The following TRHDE variants were observed in gnomAD, a reference collection of about 807,000 sequenced individuals.
The protein encoded by TRHDE is thyrotropin releasing hormone degrading enzyme, also known as thyrotropin-releasing hormone-degrading ectoenzyme.
Under a neutral mutation model 125.7 loss-of-function variants are expected in TRHDE, and 72 were observed. The observed-to-expected ratio is 0.57, with a 90% CI of 0.47 to 0.70. The LOEUF is 0.70. TRHDE is among the 30% of genes least tolerant of loss of function. The pLI, the probability that TRHDE is intolerant of heterozygous loss-of-function variation, is 0.00. For missense variants in TRHDE, 1,110 were observed against 1,327.1 expected (o/e 0.84, Z 2.54); for synonymous variants, 509 against 509.1 (o/e 1.00, Z 0.00).
intron 3 of TRHDE, among the ~76,000 whole-genome samples, chr12:72,423,865 C>A (rs530578660): frequency 3.9e-5 from 6 of 152,076 alleles, no homozygotes; most frequent in South Asian, 4.2e-4. Context: ...AGAGTGATGT[C>A]ATGTGAGAGG....
rs570475070 is a variant in TRHDE at position 72,405,262 on chromosome 12, T to C, written c.1315+27141T>C. ...AGGGAACAGATTATGTAAGACTTCA[T>C]AGAGGAGATAATGTTTAATTTTTTA... On this transcript the variant is annotated intron_variant, in intron 3 of 18. Coordinates refer to ENST00000261180, the MANE Select transcript of TRHDE (RefSeq NM_013381.3). Among the ~76,000 whole-genome samples the C allele has an allele frequency of 9.2e-5, 14 of 152,336 alleles. No individual in the cohort carries two copies. In the Middle Eastern group the frequency reaches 0.01, roughly 111 times the overall value.
At chr12:72,113,221 G>T (rs1875362408) in intron 2 of TRHDE, among the ~76,000 whole-genome samples, 2 of 151,816 alleles carry the variant, frequency 1.3e-5, no homozygotes, top group South Asian at 4.2e-4. Context: ...GTTTTGCCAT[G>T]TTGCCCAGGC....
At chr12:72,287,141 T>C (rs1015871552) in intron 2 of TRHDE, among the ~76,000 whole-genome samples, 187 bp downstream of exon 2, 3 of 152,016 alleles carry the variant, frequency 2.0e-5, no homozygotes, top group Admixed American at 1.3e-4. Flanking sequence ...AAACCTGTCT[T>C]CTATACCCAG....
intron 7 of TRHDE, among the ~76,000 whole-genome samples, chr12:72,553,444 TTAA>T (rs1869769500): frequency 6.6e-6 from 1 of 152,134 alleles, no homozygotes; most frequent in Non-Finnish European, 1.5e-5. Flanking sequence ...TAACCCACCA[TTAA>T]TAATAATAAC....
At chr12:72,361,488 C>T (rs1181553217) in intron 2 of TRHDE, among the ~76,000 whole-genome samples, 1 of 151,688 alleles carries the variant, frequency 6.6e-6, no homozygotes, top group African/African-American at 2.4e-5. Flanking sequence ...AAATCTGTTT[C>T]AGATATAAGA....
chr12:72,269,221 A>T (rs1879137699), upstream of TRHDE, among the ~76,000 whole-genome samples: 1 of 152,092 alleles, frequency 6.6e-6, no homozygotes, highest in Non-Finnish European at 1.5e-5. Context: ...CGTGCTATAT[A>T]TTTTCAGAAA....
intron 2 of TRHDE, among the ~76,000 whole-genome samples, chr12:72,180,326 A>G (rs1050264450): frequency 5.3e-5 from 8 of 152,162 alleles, no homozygotes; most frequent in African/African-American, 1.7e-4. Context: ...ACATCTTAAT[A>G]TTATAATAAG....
At chr12:72,241,228 TCAC>T (rs988733633) in intron 2 of TRHDE, among the ~76,000 whole-genome samples, 8 of 152,182 alleles carry the variant, frequency 5.3e-5, no homozygotes, top group Non-Finnish European at 1.2e-4. Flanking sequence ...TAGACTGATG[TCAC>T]CACCACTACA....
chr12:72,515,782 G>A, intron 6 of TRHDE, among the ~76,000 whole-genome samples: 1 of 151,932 alleles, frequency 6.6e-6, no homozygotes, highest in East Asian at 1.9e-4. Context: ...TAGGTCTAAT[G>A]TTTAAGTGTT....
At chr12:72,535,697 A>C (rs1478602476) in intron 6 of TRHDE, among the ~76,000 whole-genome samples, 4 of 151,914 alleles carry the variant, frequency 2.6e-5, no homozygotes, top group Non-Finnish European at 5.9e-5. Context: ...GAAAAAAAAA[A>C]CAGCGAAGAA....
chr12:72,493,752 C>G (rs1464948322), intron 5 of TRHDE, among the ~76,000 whole-genome samples: 1 of 152,132 alleles, frequency 6.6e-6, no homozygotes, highest in African/African-American at 2.4e-5. Flanking sequence ...AAACGAACCA[C>G]ACTATCTCAA....
At chr12:72,307,897 C>T (rs1868373677) in intron 2 of TRHDE, among the ~76,000 whole-genome samples, 1 of 152,124 alleles carries the variant, frequency 6.6e-6, no homozygotes. Context: ...TCGCAGCTAA[C>T]ACATTTTATG....
At chr12:72,409,108 C>T (rs1483022321) in intron 3 of TRHDE, among the ~76,000 whole-genome samples, 3 of 152,064 alleles carry the variant, frequency 2.0e-5, no homozygotes, top group Non-Finnish European at 4.4e-5. Flanking sequence ...AGCATCAGTG[C>T]ACCACATACA....
At chr12:72,203,298 A>G (rs1471767482) in intron 2 of TRHDE, among the ~76,000 whole-genome samples, 1 of 152,014 alleles carries the variant, frequency 6.6e-6, no homozygotes, top group East Asian at 1.9e-4. Context: ...CGTCTCTACT[A>G]AAAAATCAAA....
At chr12:72,198,661 C>A (rs1010528690) in intron 2 of TRHDE, among the ~76,000 whole-genome samples, 7 of 152,112 alleles carry the variant, frequency 4.6e-5, no homozygotes. Context: ...TGGCTTTGGG[C>A]AAATTCTTAA....
chr12:72,515,273 A>G (rs1365906871), intron 6 of TRHDE, among the ~76,000 whole-genome samples: 1 of 138,214 alleles, frequency 7.2e-6, no homozygotes, highest in Non-Finnish European at 1.5e-5. Flanking sequence ...AAGTGTTCCT[A>G]TTTCTCCACA....
At chr12:72,187,119 G>A (rs751259784) in intron 2 of TRHDE, among the ~76,000 whole-genome samples, 23 of 151,996 alleles carry the variant, frequency 1.5e-4, no homozygotes, top group Non-Finnish European at 3.2e-4. Flanking sequence ...TGATATTGAG[G>A]CAACTTTAAA....
intron 2 of TRHDE, among the ~76,000 whole-genome samples, chr12:72,187,539 G>A (rs1040291119): frequency 8.8e-5 from 13 of 148,464 alleles, no homozygotes; most frequent in African/African-American, 2.5e-5. Context: ...GAGGAGGATG[G>A]GGCATGATGT....
intron 2 of TRHDE, among the ~76,000 whole-genome samples, chr12:72,318,685 T>C (rs926919771): frequency 6.6e-6 from 1 of 151,898 alleles, no homozygotes; most frequent in Non-Finnish European, 1.5e-5. Context: ...CTGGCTCCAT[T>C]ATGTCCCAGC....
Sources: gnomAD v4.1 joint callset for allele counts (sites outside exome capture counted in the v4.1 genomes callset) on GRCh38, gnomAD v4.1.1 for gene constraint, MANE v1.5 for transcripts, NCBI Gene and HGNC (gene_info 2026-07-23, HGNC 2026-07-21) for gene names.